The following NRG3 variants were observed in gnomAD, a reference collection of about 807,000 sequenced individuals.
NRG3 encodes the protein neuregulin 3.
Under a neutral mutation model 66.9 loss-of-function variants are expected in NRG3, and 31 were observed. The ratio of observed to expected loss-of-function variants is 0.46; its 90% CI spans 0.35 to 0.63. The LOEUF is 0.63. Among genes scored for constraint, NRG3 ranks in the 20% least tolerant of loss-of-function variants. NRG3 has a pLI of 0.00. For synonymous variants in NRG3, 393 were observed against 359.4 expected (o/e 1.09, Z -1.06); for missense variants, 910 against 878.9 (o/e 1.04, Z -0.45).
intron 2 of NRG3, among the ~76,000 whole-genome samples, chr10:82,507,256 G>C (rs912630537): frequency 3.3e-5 from 5 of 152,146 alleles, no homozygotes; most frequent in Non-Finnish European, 7.4e-5. Context: ...TGATGGGTTC[G>C]CAGTGTAAAG....
chr10:82,808,106 G>A (rs768704244), intron 3 of NRG3, among the ~76,000 whole-genome samples: 8 of 151,476 alleles, frequency 5.3e-5, no homozygotes, highest in African/African-American at 7.3e-5. Context: ...TGGTTAATTC[G>A]TAGGTTCTTC....
At chr10:82,324,571 C>T (rs1310495433) in intron 1 of NRG3, among the ~76,000 whole-genome samples, 1 of 152,116 alleles carries the variant, frequency 6.6e-6, no homozygotes, top group Non-Finnish European at 1.5e-5. Flanking sequence ...AAATTTCCCA[C>T]CAAAGTCTTA....
At chr10:81,904,522 A>G (rs1844398515) in intron 1 of NRG3, among the ~76,000 whole-genome samples, 1 of 152,102 alleles carries the variant, frequency 6.6e-6, no homozygotes. Context: ...GGCGCTAATC[A>G]TTGAATTACT....
intron 1 of NRG3, among the ~76,000 whole-genome samples, chr10:82,199,139 T>A (rs1265953806): frequency 9.5e-5 from 13 of 137,448 alleles, no homozygotes; most frequent in Non-Finnish European, 1.7e-4. Flanking sequence ...ACCCCTGCAC[T>A]CCAGCTTGGG....
intron 1 of NRG3, among the ~76,000 whole-genome samples, chr10:82,057,716 C>T (rs1051056763): frequency 2.0e-5 from 3 of 152,058 alleles, no homozygotes; most frequent in Non-Finnish European, 4.4e-5. Context: ...TTCTCCTTCT[C>T]CTTCACTGCC....
At chr10:82,712,580 G>T (rs1233168007) in intron 2 of NRG3, among the ~76,000 whole-genome samples, 4 of 152,156 alleles carry the variant, frequency 2.6e-5, no homozygotes, top group Non-Finnish European at 5.9e-5. Context: ...AGACGCTGCT[G>T]CTGGGGATCA....
intron 4 of NRG3, among the ~76,000 whole-genome samples, chr10:82,919,076 T>C (rs1426390614): frequency 2.7e-5 from 4 of 148,316 alleles, no homozygotes; most frequent in African/African-American, 1.0e-4. Flanking sequence ...TGTGTGTGTG[T>C]GTGTGTGTGT....
At chr10:82,855,803 G>T (rs1015094888) in intron 3 of NRG3, among the ~76,000 whole-genome samples, 4 of 152,034 alleles carry the variant, frequency 2.6e-5, no homozygotes, top group African/African-American at 9.7e-5. Context: ...AATTGATGTT[G>T]TTAAGGGGAA....
chr10:82,353,324 T>C (rs2083551612), intron 1 of NRG3, among the ~76,000 whole-genome samples: 1 of 152,184 alleles, frequency 6.6e-6, no homozygotes, highest in Non-Finnish European at 1.5e-5. Flanking sequence ...AATATTCAGG[T>C]TCAACTCAGT....
chr10:82,138,795 C>T (rs901070059), intron 1 of NRG3, among the ~76,000 whole-genome samples: 16 of 152,116 alleles, frequency 1.1e-4, no homozygotes, highest in African/African-American at 3.9e-4. Context: ...GTCTAATGTT[C>T]AAGGGCAGGA....
chr10:82,358,839 A>T lies in NRG3; in HGVS notation c.924A>T (p.Glu308Asp). 1 of 1,614,196 alleles carries T rather than the reference A, an allele frequency of 6.2e-7. No homozygotes were observed. The highest frequency in any genetic ancestry group is 1.1e-5 in the South Asian group (1 of 91,088). Reference sequence around the variant, plus strand: ...ATGATGGCGAGTGCTTTGTGATCGAAACCCTGACCGGATCCCATAAACACT... The same window carrying T: ...ATGATGGCGAGTGCTTTGTGATCGATACCCTGACCGGATCCCATAAACACT... ...CLNDGECFVI[E>D]TLTGSHKHCR... The change falls in exon 2 of 9, where the codon GAA becomes GAT. Residue 308 changes from glutamate to aspartate, a missense_variant. Glu to Asp is a conservative substitution (Grantham distance 45). Coordinates refer to ENST00000372141, the MANE Select transcript of NRG3 (RefSeq NM_001010848.4).
chr10:82,169,015 T>G (rs1490762939), intron 1 of NRG3, among the ~76,000 whole-genome samples: 1 of 152,100 alleles, frequency 6.6e-6, no homozygotes, highest in African/African-American at 2.4e-5. Context: ...TACAATTCCT[T>G]TACTAGAGAT....
chr10:82,724,837 G>C (rs1303668953), intron 2 of NRG3, among the ~76,000 whole-genome samples: 1 of 152,090 alleles, frequency 6.6e-6, no homozygotes, highest in Non-Finnish European at 1.5e-5. Flanking sequence ...CAATCATAAG[G>C]ATGCCTTTTA....
chr10:82,201,755 A>C lies in NRG3; in HGVS notation c.824-156984A>C, dbSNP rs148136256. Among the ~76,000 whole-genome samples the C allele has an allele frequency of 6.1e-3, 927 of 152,054 alleles. 10 individuals are homozygous for C. The highest frequency in any genetic ancestry group is 0.021 in the African/African-American group (885 of 41,338). Reference sequence around the variant, plus strand: ...AAGAAAGGGAAACCATGTAACACCCACCTTTCAGCAATTTTTTCTGTAACA... The same window carrying C: ...AAGAAAGGGAAACCATGTAACACCCCCCTTTCAGCAATTTTTTCTGTAACA... On this transcript the variant is annotated intron_variant, in intron 1 of 8. Transcript: ENST00000372141.
intron 2 of NRG3, among the ~76,000 whole-genome samples, chr10:82,665,319 A>G (rs1022181769): frequency 2.0e-5 from 3 of 152,230 alleles, no homozygotes; most frequent in African/African-American, 7.2e-5. Context: ...ACATATCACA[A>G]TTCATCCTAG....
intron 1 of NRG3, among the ~76,000 whole-genome samples, chr10:82,313,294 G>A (rs1473564168): frequency 6.6e-6 from 1 of 151,970 alleles, no homozygotes; most frequent in Non-Finnish European, 1.5e-5. Flanking sequence ...CCGAGATAGT[G>A]TCACTGCACT....
At chr10:82,506,075 T>C (rs1844643941) in intron 2 of NRG3, among the ~76,000 whole-genome samples, 1 of 152,066 alleles carries the variant, frequency 6.6e-6, no homozygotes, top group Non-Finnish European at 1.5e-5. Context: ...GAAAAACCCC[T>C]TCTCTACTAA....
chr10:82,109,521 G>T (rs957660522), intron 1 of NRG3, among the ~76,000 whole-genome samples: 5 of 149,234 alleles, frequency 3.4e-5, no homozygotes, highest in Admixed American at 6.8e-5. Flanking sequence ...AGGAAACAAA[G>T]CTAAAGAATA....
intron 1 of NRG3, among the ~76,000 whole-genome samples, chr10:82,236,134 ACT>A (rs1325835506): frequency 1.3e-5 from 2 of 151,496 alleles, no homozygotes; most frequent in African/African-American, 4.8e-5. Context: ...TAGAATCCTA[ACT>A]CTGTCATTTA....
Sources: allele counts gnomAD v4.1 joint callset (sites outside exome capture counted in the v4.1 genomes callset), GRCh38; gene constraint gnomAD v4.1.1; transcripts MANE v1.5; gene names NCBI Gene and HGNC (gene_info 2026-07-23, HGNC 2026-07-21).